Variants in PLCB1 observed in about 807,000 individuals in gnomAD.
PLCB1 encodes 1-phosphatidylinositol 4,5-bisphosphate phosphodiesterase beta-1.
In PLCB1, 46 loss-of-function variants were observed where a neutral mutation model predicts 161.8. The ratio of observed to expected loss-of-function variants is 0.28; its 90% CI spans 0.22 to 0.36. PLCB1 has a LOEUF of 0.36. Ranked by LOEUF, PLCB1 falls within the 10% of genes least tolerant of loss-of-function variation. The probability of loss-of-function intolerance (pLI) is 1.00; values close to 1 mark genes in which losing one functional copy is unlikely to be tolerated. For missense variants in PLCB1, 1,016 were observed against 1,472.5 expected (o/e 0.69, Z 5.07); for synonymous variants, 517 against 503.7 (o/e 1.03, Z -0.35).
chr20:8,263,726 T>C (rs2743167), intron 2 of PLCB1, among the ~76,000 whole-genome samples: 54,089 of 151,954 alleles, frequency 0.36, 9,701 homozygotes, highest in East Asian at 0.44. Context: ...TGTATCTAAA[T>C]GTATGTAAAC....
chr20:8,231,333 A>G (rs1177040730), intron 2 of PLCB1, among the ~76,000 whole-genome samples: 2 of 152,048 alleles, frequency 1.3e-5, no homozygotes, highest in African/African-American at 4.8e-5. Flanking sequence ...CTCATTCCTA[A>G]CCTCTACTCA....
At chr20:8,283,859 A>G (rs914522300) in intron 2 of PLCB1, among the ~76,000 whole-genome samples, 2 of 152,006 alleles carry the variant, frequency 1.3e-5, no homozygotes, top group African/African-American at 2.4e-5. Flanking sequence ...AATTCTTGGT[A>G]ATTTGTCTAT....
intron 9 of PLCB1, among the ~76,000 whole-genome samples, chr20:8,668,142 G>GAA (rs1180110774): frequency 7.0e-6 from 1 of 142,130 alleles, no homozygotes; most frequent in African/African-American, 2.6e-5. Context: ...GTCGAATGCA[G>GAA]AAAAAAAAAA....
intron 2 of PLCB1, among the ~76,000 whole-genome samples, chr20:8,273,326 G>A (rs1982374543): frequency 6.6e-6 from 1 of 151,960 alleles, no homozygotes; most frequent in Non-Finnish European, 1.5e-5. Flanking sequence ...CTTCCTTTTG[G>A]CTCTGATGGA....
chr20:8,497,748 G>A (rs898952497), intron 3 of PLCB1, among the ~76,000 whole-genome samples: 3 of 152,110 alleles, frequency 2.0e-5, no homozygotes, highest in Non-Finnish European at 4.4e-5. Flanking sequence ...TTGGGTAAAG[G>A]TACAGAATAT....
intron 12 of PLCB1, among the ~76,000 whole-genome samples, chr20:8,712,316 A>G (rs1568569781): frequency 6.6e-6 from 1 of 152,146 alleles, no homozygotes; most frequent in Non-Finnish European, 1.5e-5. Flanking sequence ...ATTAATTAAA[A>G]AAGAAAGAAA....
intron 3 of PLCB1, among the ~76,000 whole-genome samples, chr20:8,475,398 C>A (rs1982234155): frequency 6.6e-6 from 1 of 151,674 alleles, no homozygotes; most frequent in Non-Finnish European, 1.5e-5. Context: ...CCAACCTGGG[C>A]AACACAGCAA....
chr20:8,708,006 G>A (rs1475113251), intron 11 of PLCB1, among the ~76,000 whole-genome samples: 7 of 152,072 alleles, frequency 4.6e-5, no homozygotes, highest in African/African-American at 1.7e-4. Context: ...ATGATTGCCT[G>A]GGACTAGGTG....
At chr20:8,692,709 T>C (rs187745661) in intron 10 of PLCB1, among the ~76,000 whole-genome samples, 13 of 152,246 alleles carry the variant, frequency 8.5e-5, no homozygotes, top group Admixed American at 2.0e-4. Context: ...TTGGTCTCCT[T>C]ATGGTTTCAA....
In PLCB1 at chr20:8,154,266, T is replaced by C. The variant is rs117584606; in HGVS notation, c.177+3895T>C. 2.6e-3 allele frequency among the ~76,000 whole-genome samples: 397 copies of C among 152,336 alleles called. 1 individual carries two copies. The highest frequency in any genetic ancestry group is 4.2e-3 in the Non-Finnish European group (287 of 68,014). On this transcript the variant is annotated intron_variant, in intron 2 of 31. Coordinates refer to ENST00000338037, the MANE Select transcript of PLCB1 (RefSeq NM_015192.4). ...GGCCTATCTTAGGGAATTTTTCATG[T>C]TAGTACATGTGTATGTATCACATTC...
intron 2 of PLCB1, among the ~76,000 whole-genome samples, chr20:8,355,130 G>A (rs1986322215): frequency 1.3e-5 from 2 of 151,946 alleles, no homozygotes; most frequent in Non-Finnish European, 2.9e-5. Context: ...ATTAAATGGG[G>A]ATAAAACAGG....
intron 2 of PLCB1, among the ~76,000 whole-genome samples, chr20:8,335,575 T>C (rs530505271): frequency 1.1e-4 from 17 of 152,330 alleles, no homozygotes; most frequent in African/African-American, 3.8e-4. Flanking sequence ...TGTGTATACA[T>C]GAGTAGATCT....
intron 1 of PLCB1, among the ~76,000 whole-genome samples, chr20:8,144,576 G>A (rs375871933): frequency 2.6e-5 from 4 of 152,124 alleles, no homozygotes; most frequent in African/African-American, 7.2e-5. Context: ...GCTGATACAC[G>A]TGGATGTTTT....
intron 2 of PLCB1, among the ~76,000 whole-genome samples, chr20:8,360,889 T>C (rs1051304462): frequency 6.6e-6 from 1 of 152,104 alleles, no homozygotes; most frequent in East Asian, 1.9e-4. Context: ...AGAAAAAAAA[T>C]TGTGATACAT....
chr20:8,717,070 A>G (rs1979357828), intron 13 of PLCB1, among the ~76,000 whole-genome samples: 1 of 152,162 alleles, frequency 6.6e-6, no homozygotes, highest in Non-Finnish European at 1.5e-5. Context: ...TTCCCGTTAG[A>G]TGTACAAACT....
intron 7 of PLCB1, among the ~76,000 whole-genome samples, chr20:8,656,790 GA>G (rs11314543): frequency 0.39 from 55,114 of 142,550 alleles, 10,808 homozygotes; most frequent in African/African-American, 0.51. Flanking sequence ...ATTCAAGTAG[GA>G]AAAAAAAAAA....
intron 26 of PLCB1, among the ~76,000 whole-genome samples, chr20:8,770,631 C>T (rs1982628979): frequency 6.6e-6 from 1 of 152,124 alleles, no homozygotes; most frequent in Non-Finnish European, 1.5e-5. Context: ...CTGGTTCTAT[C>T]TGGAAAGGCG....
intron 26 of PLCB1, among the ~76,000 whole-genome samples, chr20:8,765,843 C>T (rs777020869): frequency 1.8e-4 from 28 of 152,002 alleles, no homozygotes; most frequent in Admixed American, 7.9e-4. Context: ...CTACGCCTGG[C>T]GAATTTTTGT....
At chr20:8,237,317 A>ATTTTTATT (rs1416851169) in intron 2 of PLCB1, among the ~76,000 whole-genome samples, 22 of 152,068 alleles carry the variant, frequency 1.4e-4, no homozygotes, top group African/African-American at 5.1e-4. Context: ...ATAATATATA[A>ATTTTTATT]ATATGTTCAT....
Sources: gnomAD v4.1 joint callset for allele counts (sites outside exome capture counted in the v4.1 genomes callset) on GRCh38, gnomAD v4.1.1 for gene constraint, MANE v1.5 for transcripts, NCBI Gene and HGNC (gene_info 2026-07-23, HGNC 2026-07-21) for gene names.